Variants in NCAPG2 observed in about 807,000 individuals in gnomAD.
NCAPG2 encodes condensin-2 complex subunit G2.
NCAPG2 carries 53 observed loss-of-function variants against 141.1 expected under a neutral mutation model. The ratio of observed to expected loss-of-function variants is 0.38; its 90% confidence interval spans 0.30 to 0.47. NCAPG2 has a LOEUF of 0.47. Among genes scored for constraint, NCAPG2 ranks in the 20% least tolerant of loss-of-function variants. The pLI, the probability that NCAPG2 is intolerant of heterozygous loss-of-function variation, is 0.99. For synonymous variants in NCAPG2, 499 were observed against 490.7 expected (o/e 1.02, Z -0.22); for missense variants, 1,087 against 1,389.0 (o/e 0.78, Z 3.46).
rs201624157 is a variant in NCAPG2 at position 158,661,889 on chromosome 7, AC to A, written c.1989+304del. On this transcript the variant is annotated intron_variant, in intron 16 of 27. Transcript: ENST00000356309. ...CCATGTTCACGAAACTCTTTCTTAA[AC>A]CCCTGCAAATCAAATTAGATTCTGA... Among the ~76,000 whole-genome samples the A allele has an allele frequency of 1.5e-3, 232 of 152,214 alleles. 3 individuals are homozygous for A. The East Asian group carries it at 0.038, about 25-fold the overall frequency.
chr7:158,649,783 T>G (rs1462439459), intron 24 of NCAPG2, among the ~76,000 whole-genome samples: 10 of 152,222 alleles, frequency 6.6e-5, no homozygotes, highest in Admixed American at 6.5e-4. Context: ...TTTTTATCTT[T>G]TCATACAGAG....
In NCAPG2 at chr7:158,690,722, C is replaced by T. The variant is rs1439356360; in HGVS notation, c.383G>A (p.Gly128Asp). ...AGACTCAGGTAATGCATATAAAATA[C>T]CTAAAATACAGCACAGTAATTTTCC... ...ALLECVIILNGILYALPESER... is the reference protein window; with the variant it reads ...ALLECVIILNDILYALPESER... The change falls in exon 5 of 28, where the codon GGT (glycine) becomes GAT (aspartate). Residue 128 changes from glycine (G) to aspartate (D), a missense_variant and splice_region_variant. Transcript: ENST00000356309. 2 of 1,612,844 alleles carry T rather than the reference C, an allele frequency of 1.2e-6. No homozygotes were observed.
chr7:158,680,681 A>G lies in NCAPG2; in HGVS notation c.1020+40T>C, dbSNP rs780765035. The G allele has an allele frequency of 6.1e-6, 8 of 1,314,322 alleles. No individual in the cohort carries two copies. The East Asian group carries it at 2.0e-4, about 33-fold the overall frequency. The allele number at this position is 1,314,322 out of a possible 1,614,324, so 81.4% of individuals were successfully genotyped here. ...GTTTGCTAAATTCAAAAGCACAAGT[A>G]GTACATTCCAAACACGGATAAACTA... On this transcript the variant is annotated intron_variant, in intron 10 of 27. Transcript: ENST00000356309.
Position 158,658,361 on chromosome 7 carries a change from C to A in NCAPG2, c.2037G>T (p.Pro679=), listed in dbSNP as rs373694234. ...IPLFMLMSFM[P]ASAVPPFSCG... is the part of the protein sequence containing the mutation. ...ACCTGAATGGGGGGACAGCAGAGGC[C>A]GGCATAAAGGACATTAGCATGAATA... is the stretch of plus-strand genomic sequence containing the variant. The change falls in exon 17 of 28, where the codon CCG becomes CCT. Residue 679 remains proline (P), a synonymous_variant. Transcript: ENST00000356309. 9 of 1,611,030 alleles carry A rather than the reference C, an allele frequency of 5.6e-6. No homozygotes were observed. In the African/African-American group the frequency reaches 1.2e-4, roughly 22 times the overall value.
At chr7:158,679,650 T>C (rs780988758) in intron 11 of NCAPG2, among the ~76,000 whole-genome samples, 20 of 152,194 alleles carry the variant, frequency 1.3e-4, no homozygotes, top group Non-Finnish European at 2.2e-4. Context: ...GCATGTGCTT[T>C]ACCCACCATA....
chr7:158,681,946 A>T (rs1445799837), intron 9 of NCAPG2, among the ~76,000 whole-genome samples: 1 of 152,218 alleles, frequency 6.6e-6, no homozygotes, highest in African/African-American at 2.4e-5. Flanking sequence ...CTTATCAGAT[A>T]AATTTAATAG....
At chr7:158,664,460 C>G (rs944912702) in intron 14 of NCAPG2, 68 bp downstream of exon 14, 1 of 1,551,282 alleles carries the variant, frequency 6.4e-7, no homozygotes, top group Admixed American at 1.7e-5. Flanking sequence ...AAATACTGAA[C>G]TCTGTAATTT....
chr7:158,680,146 TAC>T, intron 10 of NCAPG2, 61 bp from the exon 11 acceptor site: 1 of 1,522,082 alleles, frequency 6.6e-7, no homozygotes, highest in African/African-American at 1.4e-5. Context: ...AAGGCTTAAG[TAC>T]AGTGTTCCCA....
At chr7:158,692,640 C>G (rs533214743) in intron 4 of NCAPG2, among the ~76,000 whole-genome samples, 197 of 152,296 alleles carry the variant, frequency 1.3e-3, no homozygotes, top group Non-Finnish European at 2.2e-3. Flanking sequence ...ACTAGGGAGG[C>G]TGAGGCAAGA....
chr7:158,665,632 A>G (rs918206951), intron 13 of NCAPG2, among the ~76,000 whole-genome samples: 3 of 151,416 alleles, frequency 2.0e-5, no homozygotes, highest in Admixed American at 6.6e-5. Context: ...CACACACAAA[A>G]CTCAACCTGA....
intron 19 of NCAPG2, 49 bp from the exon 20 acceptor site, chr7:158,655,504 C>G (rs1034695663): frequency 6.9e-7 from 1 of 1,452,334 alleles, no homozygotes; most frequent in African/African-American, 1.4e-5. Flanking sequence ...CAAGGCACCA[C>G]CACACCCCGT....
intron 6 of NCAPG2, among the ~76,000 whole-genome samples, chr7:158,687,787 G>A (rs750617911): frequency 2.6e-5 from 4 of 152,130 alleles, no homozygotes; most frequent in Non-Finnish European, 5.9e-5. Flanking sequence ...ATGAAAGAAA[G>A]CTTTAAATCT....
At position 158,680,055 on chromosome 7, in the gene NCAPG2, C is replaced by T; in HGVS notation, c.1051G>A (p.Ala351Thr). Residue 351 changes from alanine (A) to threonine (T), a missense_variant, in exon 11 of 28, where the codon GCA becomes ACA. By Grantham distance (58) the Ala-to-Thr change is moderately conservative (BLOSUM62 0). Transcript: ENST00000356309. ...GGAAATGCTTCAACAAACAACAATG[C>T]AGCATTTGATCGAACTTCAGAGTTT... ...ARNSEVRSNA[A>T]LLFVEAFPIR... The T allele has an allele frequency of 2.5e-6, 4 of 1,613,910 alleles. No individual in the cohort carries two copies. Among genetic ancestry groups the T allele is most frequent in the Non-Finnish European group, 3.4e-6 (4 of 1,179,818 alleles).
chr7:158,694,500 C>T (rs1338720128), intron 2 of NCAPG2, among the ~76,000 whole-genome samples: 6 of 152,168 alleles, frequency 3.9e-5, no homozygotes, highest in African/African-American at 7.2e-5. Flanking sequence ...CACACAGGGA[C>T]GGACAGACCA....
chr7:158,692,900 A>C lies in NCAPG2; in HGVS notation c.324T>G (p.Ser108=). 1 of 1,595,330 alleles carries C rather than the reference A, an allele frequency of 6.3e-7. No homozygotes were observed. Reference sequence around the variant, plus strand: ...CGTAGTTCTCACTTTCATTTATTACAGACACAGAAGCAAGAATCACAGATG... The same window carrying C: ...CGTAGTTCTCACTTTCATTTATTACCGACACAGAAGCAAGAATCACAGATG... The part of the protein sequence containing the change: ...AITSVILASV[S]VINESENYEA... Residue 108 remains serine (S), a synonymous_variant, in exon 4 of 28, where the codon TCT becomes TCG. Coordinates refer to ENST00000356309, the MANE Select transcript of NCAPG2 (RefSeq NM_017760.7).
At chr7:158,668,167 T>A (rs1423656923) in intron 13 of NCAPG2, 1 of 436,832 alleles carries the variant, frequency 2.3e-6, no homozygotes, top group African/African-American at 2.6e-5. Flanking sequence ...TCTTACCCAC[T>A]ACTGGGTCCC....
In NCAPG2 at chr7:158,680,131, A is replaced by T. The variant is rs185758802; in HGVS notation, c.1021-46T>A. ...TATCTCAGAATCCCAAAGAGTTAAC[A>T]TACGAAGGCTTAAGTACAGTGTTCC... is the stretch of plus-strand genomic sequence containing the variant. On this transcript the variant is annotated intron_variant, in intron 10 of 27. Coordinates refer to ENST00000356309, the MANE Select transcript of NCAPG2 (RefSeq NM_017760.7). 2,382 of 1,589,116 alleles carry T rather than the reference A, an allele frequency of 1.5e-3. 6 individuals carry two copies. The highest frequency in any genetic ancestry group is 1.6e-3 in the Non-Finnish European group (1,871 of 1,162,300).
chr7:158,651,905 T>C (rs1360241283), intron 23 of NCAPG2, among the ~76,000 whole-genome samples: 1 of 152,240 alleles, frequency 6.6e-6, no homozygotes, highest in African/African-American at 2.4e-5. Context: ...GAAAGGTATA[T>C]TTTATTTGGA....
At chr7:158,691,613 C>A (rs1276428437) in intron 4 of NCAPG2, among the ~76,000 whole-genome samples, 1 of 152,188 alleles carries the variant, frequency 6.6e-6, no homozygotes, top group Non-Finnish European at 1.5e-5. Context: ...TCTTAAAAAT[C>A]ATTAAGATAT....
Sources: allele counts gnomAD v4.1 joint callset (sites outside exome capture counted in the v4.1 genomes callset), GRCh38; gene constraint gnomAD v4.1.1; transcripts MANE v1.5; gene names NCBI Gene and HGNC (gene_info 2026-07-23, HGNC 2026-07-21).